The following TRIM2 variants were observed in gnomAD, a reference collection of about 807,000 sequenced individuals.
TRIM2 encodes tripartite motif-containing protein 2.
Under a neutral mutation model 75.2 loss-of-function variants are expected in TRIM2, and 20 were observed. The ratio of observed to expected loss-of-function variants is 0.27; its 90% confidence interval spans 0.19 to 0.39. The LOEUF is 0.39. Among genes scored for constraint, TRIM2 ranks in the 10% least tolerant of loss-of-function variants. The probability of loss-of-function intolerance (pLI) is 1.00; values close to 1 mark genes in which losing one functional copy is unlikely to be tolerated. For missense variants in TRIM2, 660 were observed against 990.8 expected (o/e 0.67, Z 4.48); for synonymous variants, 373 against 388.3 (o/e 0.96, Z 0.46).
At chr4:153,205,553 A>C (rs539736835) in intron 1 of TRIM2, among the ~76,000 whole-genome samples, 26 of 152,208 alleles carry the variant, frequency 1.7e-4, no homozygotes, top group African/African-American at 6.0e-4. Context: ...TGATCAGATA[A>C]GTTTCTGGTG....
chr4:153,185,155 A>G (rs939986483), intron 1 of TRIM2, among the ~76,000 whole-genome samples: 4 of 152,196 alleles, frequency 2.6e-5, no homozygotes, highest in Non-Finnish European at 4.4e-5. Flanking sequence ...ATGAATTCCA[A>G]AACAAATGAG....
chr4:153,199,937 C>A (rs985974434), upstream of TRIM2, among the ~76,000 whole-genome samples: 1 of 119,966 alleles, frequency 8.3e-6, no homozygotes, highest in Admixed American at 8.8e-5. Flanking sequence ...CCATGGCCAG[C>A]TAATTTTTTT....
intron 1 of TRIM2, among the ~76,000 whole-genome samples, chr4:153,193,950 A>G (rs946647313): frequency 6.6e-6 from 1 of 152,158 alleles, no homozygotes; most frequent in African/African-American, 2.4e-5. Context: ...CGGGGCCCCC[A>G]GGATATACAG....
intron 1 of TRIM2, among the ~76,000 whole-genome samples, chr4:153,239,336 A>G (rs916135491): frequency 7.5e-5 from 11 of 146,910 alleles, no homozygotes; most frequent in Admixed American, 2.7e-4. Context: ...TAGGAGACAC[A>G]GCGTGACTCC....
At chr4:153,316,700 T>C (rs1190404533) in intron 8 of TRIM2, among the ~76,000 whole-genome samples, 2 of 152,096 alleles carry the variant, frequency 1.3e-5, no homozygotes, top group Non-Finnish European at 2.9e-5. Context: ...AAAATTTAAC[T>C]CAATGTCTTC....
intron 8 of TRIM2, 100 bp downstream of exon 8, chr4:153,316,099 C>A: frequency 1.8e-6 from 2 of 1,139,300 alleles, no homozygotes; most frequent in Non-Finnish European, 2.4e-6. Flanking sequence ...GTGCAACATT[C>A]AACAATTCTT....
At chr4:153,226,501 T>C (rs898293556) in intron 1 of TRIM2, among the ~76,000 whole-genome samples, 1 of 152,230 alleles carries the variant, frequency 6.6e-6, no homozygotes, top group African/African-American at 2.4e-5. Context: ...CTGCAGGCAG[T>C]TGGAGTTTTG....
rs948238927 is a variant in TRIM2 at position 153,204,526 on chromosome 4, C to G, written c.-5C>G. 3 of 1,551,608 alleles carry G rather than the reference C, an allele frequency of 1.9e-6. No individual in the cohort carries two copies. Among genetic ancestry groups the G allele is most frequent in the Non-Finnish European group, 2.6e-6 (3 of 1,147,008 alleles). ...CAGATTGGAGGAGGCTGGCTCTGGT[C>G]TTCGATGCACAGGAGTGGCCGTTAT... On this transcript the variant is annotated 5_prime_UTR_variant, in exon 1 of 12. Coordinates refer to ENST00000338700, the MANE Select transcript of TRIM2 (RefSeq NM_015271.5).
intron 1 of TRIM2, chr4:153,257,247 G>A (rs1351644557): frequency 4.0e-6 from 1 of 248,730 alleles, no homozygotes; most frequent in Non-Finnish European, 7.2e-6. Flanking sequence ...TGGTGATGGA[G>A]CTCAGCGGCC....
At chr4:153,185,855 G>A (rs181569238) in intron 1 of TRIM2, among the ~76,000 whole-genome samples, 18 of 152,308 alleles carry the variant, frequency 1.2e-4, no homozygotes, top group Admixed American at 3.3e-4. Flanking sequence ...CTCTCTCCCT[G>A]AGGAGGAGTT....
At chr4:153,291,662 A>G (rs1442849134) in intron 3 of TRIM2, among the ~76,000 whole-genome samples, 1 of 152,088 alleles carries the variant, frequency 6.6e-6, no homozygotes, top group African/African-American at 2.4e-5. Flanking sequence ...AAGGAAGCTA[A>G]TTTTCTGGCT....
At chr4:153,206,713 G>GGTGGAGTAGGGAGAAAGGGGCTGAAA (rs1249786530) in intron 1 of TRIM2, among the ~76,000 whole-genome samples, 1 of 152,092 alleles carries the variant, frequency 6.6e-6, no homozygotes, top group Admixed American at 6.5e-5. Context: ...GGTGTGTATG[G>GGTGGAGTAGGGAGAAAGGGGCTGAAA]GTGGAGTAGG....
At chr4:153,152,894 T>A (rs1033734508), upstream of TRIM2, among the ~76,000 whole-genome samples, 3 of 152,204 alleles carry the variant, frequency 2.0e-5, no homozygotes, top group Middle Eastern at 3.2e-3. Flanking sequence ...GTGAAGGAAG[T>A]GGTCTCTGGA....
rs539716151 is a variant in TRIM2 at position 153,160,234 on chromosome 4, G to A, written c.-49+6964G>A. On this transcript the variant is annotated intron_variant, in intron 1 of 11. Coordinates refer to the TRIM2 transcript ENST00000437508. ...ATTCCCTTAAGTTAGTCTTTGTTAA[G>A]CATTATAATTGAGTAGAGTAAGCTG... Among the ~76,000 whole-genome samples, 4 of 152,238 alleles carry A rather than the reference G, an allele frequency of 2.6e-5. No homozygotes were observed. The South Asian group carries it at 8.3e-4, about 32-fold the overall frequency.
chr4:153,204,610 T>G (rs1174403912), intron 1 of TRIM2, 50 bp downstream of exon 1: 6 of 1,550,036 alleles, frequency 3.9e-6, no homozygotes, highest in Non-Finnish European at 5.2e-6. Context: ...GCCAGCTGGT[T>G]AATCCGGGGC....
chr4:153,160,088 A>C (rs1729604245), intron 1 of TRIM2, among the ~76,000 whole-genome samples: 1 of 152,194 alleles, frequency 6.6e-6, no homozygotes, highest in Non-Finnish European at 1.5e-5. Flanking sequence ...TGTTTAGTGC[A>C]ATTTTTAGAA....
In TRIM2 at chr4:153,159,503, G is replaced by A. The variant is rs568607128; in HGVS notation, c.-49+6233G>A. The stretch of plus-strand genomic sequence containing the variant: ...TTATTTTTTGAAGAGACAGGGTCTC[G>A]CCATATTGTTCATGCTGGTCTTGAA... On this transcript the variant is annotated intron_variant, in intron 1 of 11. Coordinates refer to the TRIM2 transcript ENST00000437508. Among the ~76,000 whole-genome samples, 3 of 151,756 alleles carry A rather than the reference G, an allele frequency of 2.0e-5. No individual in the cohort carries two copies. In the East Asian group the frequency reaches 5.8e-4, roughly 29 times the overall value.
intron 8 of TRIM2, among the ~76,000 whole-genome samples, chr4:153,316,315 G>T (rs772811716): frequency 2.0e-5 from 3 of 152,156 alleles, no homozygotes; most frequent in Non-Finnish European, 4.4e-5. Flanking sequence ...GTTTTCAAAA[G>T]AGTTATTAAG....
At chr4:153,304,517 G>T (rs1764587272) in intron 6 of TRIM2, among the ~76,000 whole-genome samples, 1 of 152,036 alleles carries the variant, frequency 6.6e-6, no homozygotes, top group South Asian at 2.1e-4. Flanking sequence ...AGGTACAAAG[G>T]CATGAAAGTG....
Sources: allele counts gnomAD v4.1 joint callset (sites outside exome capture counted in the v4.1 genomes callset), GRCh38; gene constraint gnomAD v4.1.1; transcripts MANE v1.5; gene names NCBI Gene and HGNC (gene_info 2026-07-23, HGNC 2026-07-21).